RAPGEF2: variants seen among roughly 807,000 people sequenced by gnomAD.
RAPGEF2 encodes the protein Rap guanine nucleotide exchange factor 2, also known as PDZ domain containing guanine nucleotide exchange factor (GEF) 1.
A neutral mutation model predicts 186.7 loss-of-function variants in RAPGEF2; 54 were observed. The observed-to-expected ratio is 0.29, with a 90% CI of 0.23 to 0.36. RAPGEF2 has a LOEUF of 0.36. Among genes scored for constraint, RAPGEF2 ranks in the 10% least tolerant of loss-of-function variants. The probability of loss-of-function intolerance (pLI) is 1.00; values close to 1 mark genes in which losing one functional copy is unlikely to be tolerated. For synonymous variants in RAPGEF2, 712 were observed against 705.9 expected, an observed-to-expected ratio of 1.01 and a Z score of -0.14; for missense variants, 1,532 against 2,045.0, an observed-to-expected ratio of 0.75 and a Z score of 4.84.
chr4:159,356,042 C>T lies in RAPGEF2; in HGVS notation c.4841C>T (p.Pro1614Leu). The change falls in exon 29 of 30, where the codon CCA becomes CTA. Residue 1614 changes from proline to leucine, a missense_variant. By Grantham distance (98) the Pro-to-Leu change is moderately conservative. This residue lies in a region of RAPGEF2 where 594 missense variants were observed against 608.5 expected (regional missense o/e 0.98). Transcript: ENST00000691494. ...GCTGGGCCTTCATCCGTACAGCAGC[C>T]ACATGGGCATCCCACCAGCAGCAGG... Reference protein sequence around the residue: ...DTAGPSSVQQPHGHPTSSRPV... With the variant: ...DTAGPSSVQQLHGHPTSSRPV... 1.9e-6 allele frequency: 3 copies of T among 1,614,152 alleles called. No homozygotes were observed. The highest frequency in any genetic ancestry group is 2.5e-6 in the Non-Finnish European group (3 of 1,180,032).
intron 22 of RAPGEF2, among the ~76,000 whole-genome samples, chr4:159,343,743 TTG>T (rs1173056227): frequency 1.3e-5 from 2 of 152,212 alleles, no homozygotes; most frequent in Non-Finnish European, 2.9e-5. Flanking sequence ...CCAAATAGTC[TTG>T]TCTCAATATC....
chr4:159,196,350 G>T (rs1426693603), intron 3 of RAPGEF2, among the ~76,000 whole-genome samples: 1 of 152,142 alleles, frequency 6.6e-6, no homozygotes, highest in Non-Finnish European at 1.5e-5. Context: ...ACCTTTTGGG[G>T]AAATGACTTG....
intron 1 of RAPGEF2, among the ~76,000 whole-genome samples, chr4:159,184,365 A>G (rs1304862569): frequency 1.3e-5 from 2 of 152,314 alleles, no homozygotes; most frequent in African/African-American, 4.8e-5. Flanking sequence ...CCAACAGTGT[A>G]AAAGTGTTCC....
chr4:159,283,059 A>T (rs965973430), intron 7 of RAPGEF2, among the ~76,000 whole-genome samples: 3 of 152,208 alleles, frequency 2.0e-5, no homozygotes, highest in African/African-American at 7.2e-5. Context: ...GGAAGTTATA[A>T]TATCTTCTTT....
At chr4:159,282,550 G>A (rs1454193679) in intron 7 of RAPGEF2, 2 of 419,366 alleles carry the variant, frequency 4.8e-6, no homozygotes, top group Non-Finnish European at 9.4e-6. Context: ...TCATTATGTG[G>A]ATACAAATTC....
At position 159,209,725 on chromosome 4, in the gene RAPGEF2, C is replaced by T. The variant is rs143008763; in HGVS notation, c.198-775C>T. Among the ~76,000 whole-genome samples the T allele has an allele frequency of 3.4e-3, 516 of 152,294 alleles. 2 individuals carry two copies. The highest frequency in any genetic ancestry group is 5.7e-3 in the Non-Finnish European group (386 of 68,018). Reference sequence around the variant, plus strand: ...ACCTGTGGAGGACAGTTTGACAATACCTAAGAAGATTACTATGTATGTGCT... The same window carrying T: ...ACCTGTGGAGGACAGTTTGACAATATCTAAGAAGATTACTATGTATGTGCT... On this transcript the variant is annotated intron_variant, in intron 3 of 29. Coordinates refer to ENST00000691494, the MANE Select transcript of RAPGEF2 (RefSeq NM_001394067.2).
At chr4:159,335,558 C>T (rs535460409) in intron 17 of RAPGEF2, among the ~76,000 whole-genome samples, 4 of 152,080 alleles carry the variant, frequency 2.6e-5, no homozygotes, top group Admixed American at 6.6e-5. Flanking sequence ...AGAAACGGTT[C>T]TTAAAGGTTG....
At chr4:159,117,006 T>A (rs1290839404) in intron 1 of RAPGEF2, among the ~76,000 whole-genome samples, 1 of 152,202 alleles carries the variant, frequency 6.6e-6, no homozygotes, top group Non-Finnish European at 1.5e-5. Flanking sequence ...CTGCACATTC[T>A]GCACATGTAT....
intron 9 of RAPGEF2, among the ~76,000 whole-genome samples, chr4:159,321,770 G>A (rs1765262259): frequency 1.3e-5 from 2 of 152,166 alleles, no homozygotes; most frequent in Admixed American, 6.6e-5. Flanking sequence ...AAAGAAGAGT[G>A]AACAAACTTC....
chr4:159,181,633 A>G (rs574093936), intron 1 of RAPGEF2, among the ~76,000 whole-genome samples: 1 of 138,008 alleles, frequency 7.2e-6, no homozygotes, highest in Non-Finnish European at 1.5e-5. Context: ...GCTGGAGTGC[A>G]GTGGCACAAT....
Position 159,208,853 on chromosome 4 carries a change from A to G in RAPGEF2, c.198-1647A>G, listed in dbSNP as rs556121760. Among the ~76,000 whole-genome samples, 6 of 152,078 alleles carry G rather than the reference A, an allele frequency of 3.9e-5. 1 individual carries two copies. The South Asian group carries it at 1.2e-3, about 32-fold the overall frequency. On this transcript the variant is annotated intron_variant, in intron 3 of 29. Coordinates refer to ENST00000691494, the MANE Select transcript of RAPGEF2 (RefSeq NM_001394067.2). The stretch of plus-strand genomic sequence containing the variant: ...TCATGTTTTCAGAAGGCCAATTTTT[A>G]TAAAGTACCCCTAGGAAAAAAAAAG...
intron 1 of RAPGEF2, among the ~76,000 whole-genome samples, chr4:159,150,143 A>G (rs1319100705): frequency 7.1e-6 from 1 of 140,672 alleles, no homozygotes; most frequent in Admixed American, 6.8e-5. Context: ...ATAACAGTAT[A>G]TAACAGTATA....
chr4:159,223,952 G>T (rs894447214), intron 4 of RAPGEF2, among the ~76,000 whole-genome samples: 2 of 151,722 alleles, frequency 1.3e-5, no homozygotes, highest in Admixed American at 1.3e-4. Flanking sequence ...AGCCTGGAGT[G>T]CAGTGGTGTG....
intron 1 of RAPGEF2, among the ~76,000 whole-genome samples, chr4:159,104,528 G>GAC (rs1560964849): frequency 3.3e-4 from 32 of 97,296 alleles, no homozygotes; most frequent in Admixed American, 9.9e-4. Flanking sequence ...GAGAGAGAGG[G>GAC]AGAGACAGAG....
intron 7 of RAPGEF2, among the ~76,000 whole-genome samples, chr4:159,245,741 C>T (rs1257715574): frequency 6.6e-6 from 1 of 152,046 alleles, no homozygotes; most frequent in Non-Finnish European, 1.5e-5. Context: ...CTTCCATCAT[C>T]TTCTATTCCT....
At chr4:159,327,799 A>G (rs538411523) in intron 11 of RAPGEF2, 2 of 152,282 alleles carry the variant, frequency 1.3e-5, no homozygotes, top group African/African-American at 4.8e-5. Flanking sequence ...ATTTTCAAGT[A>G]AAATGTATTT....
At chr4:159,337,145 T>C (rs1767542391) in intron 17 of RAPGEF2, among the ~76,000 whole-genome samples, 1 of 152,270 alleles carries the variant, frequency 6.6e-6, no homozygotes, top group Admixed American at 6.5e-5. Context: ...TTTCTCTGGA[T>C]ACTTAAATGT....
intron 1 of RAPGEF2, among the ~76,000 whole-genome samples, chr4:159,105,198 T>C (rs1737746816): frequency 6.6e-6 from 1 of 152,194 alleles, no homozygotes. Context: ...TTCCTAAGCG[T>C]TGGGATGGTG....
chr4:159,195,577 C>T lies in RAPGEF2; in HGVS notation c.197+2321C>T, dbSNP rs1222871321. On this transcript the variant is annotated intron_variant, in intron 3 of 29. Transcript: ENST00000691494. The stretch of plus-strand genomic sequence containing the variant: ...ACTGAAGCTTTGAGACGATAAAGAA[C>T]TGCCAAGCTCCCACTGCCTAATGTG... Among the ~76,000 whole-genome samples the T allele has an allele frequency of 5.3e-5, 8 of 152,186 alleles. No homozygotes were observed. The East Asian group carries it at 1.3e-3, about 26-fold the overall frequency.
Sources: allele counts gnomAD v4.1 joint callset (sites outside exome capture counted in the v4.1 genomes callset), GRCh38; gene constraint gnomAD v4.1.1; regional missense constraint gnomAD v4.1.1; transcripts MANE v1.5; gene names NCBI Gene and HGNC (gene_info 2026-07-23, HGNC 2026-07-21).